ASB4: variants seen among roughly 807,000 people sequenced by gnomAD.
ASB4 encodes the protein ankyrin repeat and SOCS box protein 4.
ASB4 carries 35 observed loss-of-function variants against 38.6 expected under a neutral mutation model. The observed-to-expected ratio is 0.91, with a 90% CI of 0.69 to 1.20. The LOEUF (loss-of-function observed/expected upper bound fraction) is 1.20, where lower values mean the gene tolerates loss of function less well. ASB4 is among the 50% of genes most tolerant of loss of function. The pLI is 0.00. For synonymous variants in ASB4, 195 were observed against 201.3 expected (o/e 0.97, Z 0.26); for missense variants, 557 against 527.2 (o/e 1.06, Z -0.55).
intron 3 of ASB4, 117 bp downstream of exon 3, chr7:95,528,420 T>C (rs777369309): frequency 6.5e-7 from 1 of 1,544,356 alleles, no homozygotes; most frequent in Non-Finnish European, 8.7e-7. Context: ...CTACCTCTGA[T>C]CCTCTTTGAC....
rs73711323 is a variant in ASB4 at position 95,489,831 on chromosome 7, A to G, written c.187+3673A>G. Among the ~76,000 whole-genome samples, 584 of 152,362 alleles carry G rather than the reference A, an allele frequency of 3.8e-3. 4 individuals are homozygous for G. The highest frequency in any genetic ancestry group is 0.014 in the African/African-American group (562 of 41,590). On this transcript the variant is annotated intron_variant, in intron 1 of 4. Transcript: ENST00000325885. Reference sequence around the variant, plus strand: ...TATTTAGAGTGAAGTCAAGCACAGAAGAAATCTTTAAAGAAAACACAAATG... The same window carrying G: ...TATTTAGAGTGAAGTCAAGCACAGAGGAAATCTTTAAAGAAAACACAAATG...
At chr7:95,499,583 A>G (rs919459342) in intron 2 of ASB4, among the ~76,000 whole-genome samples, 1 of 152,182 alleles carries the variant, frequency 6.6e-6, no homozygotes, top group Non-Finnish European at 1.5e-5. Flanking sequence ...TGAATGGTAT[A>G]AAGTGCAAAT....
chr7:95,477,339 G>A (rs1000882817), upstream of ASB4, among the ~76,000 whole-genome samples: 14 of 152,154 alleles, frequency 9.2e-5, no homozygotes, highest in African/African-American at 3.4e-4. Context: ...ATTTGCCAAA[G>A]GGTCAACTCT....
Position 95,527,954 on chromosome 7 carries a change from C to G in ASB4, c.629C>G (p.Thr210Ser), listed in dbSNP as rs753535152. Reference protein sequence around the residue: ...IVDSVNAHMETPLAIAAYWAL... With the variant: ...IVDSVNAHMESPLAIAAYWAL... ...GACAGCGTGAATGCCCACATGGAGACCCCCCTGGCCATCGCCGCCTACTGG... is the reference window on the plus strand; with the variant it reads ...GACAGCGTGAATGCCCACATGGAGAGCCCCCTGGCCATCGCCGCCTACTGG... The change falls in exon 3 of 5, where the codon ACC becomes AGC. Residue 210 changes from threonine to serine, a missense_variant. Coordinates refer to ENST00000325885, the MANE Select transcript of ASB4 (RefSeq NM_016116.3). The G allele has an allele frequency of 6.2e-7, 1 of 1,614,076 alleles. No individual in the cohort carries two copies. Among genetic ancestry groups the G allele is most frequent in the African/African-American group, 1.3e-5 (1 of 75,026 alleles).
At chr7:95,481,549 A>G (rs994400375), upstream of ASB4, among the ~76,000 whole-genome samples, 7 of 152,316 alleles carry the variant, frequency 4.6e-5, no homozygotes, top group South Asian at 2.1e-4. Flanking sequence ...CTAGTTTCCA[A>G]TTCTAGCTGG....
At chr7:95,551,260 C>T in the ASB4 span, among the ~76,000 whole-genome samples, 1 of 152,178 alleles carries the variant, frequency 6.6e-6, no homozygotes, top group Non-Finnish European at 1.5e-5. Flanking sequence ...GGATTACAAG[C>T]ATGAGCCACT....
chr7:95,537,449 T>A (rs1487402389), intron 4 of ASB4, 122 bp from the exon 5 acceptor site: 1 of 750,106 alleles, frequency 1.3e-6, no homozygotes, highest in Non-Finnish European at 2.0e-6. Context: ...AATTTTTGCC[T>A]CACCAATAGA....
At chr7:95,499,224 C>T (rs969355512) in intron 2 of ASB4, among the ~76,000 whole-genome samples, 2 of 152,044 alleles carry the variant, frequency 1.3e-5, no homozygotes, top group African/African-American at 4.8e-5. Context: ...GAATTGTTGG[C>T]CTATAGATTG....
chr7:95,509,233 T>G (rs1790449226), intron 2 of ASB4, among the ~76,000 whole-genome samples: 1 of 152,110 alleles, frequency 6.6e-6, no homozygotes, highest in Admixed American at 6.5e-5. Context: ...CCTAAAGAAG[T>G]AGGGGTGTTC....
intron 2 of ASB4, among the ~76,000 whole-genome samples, chr7:95,501,480 G>T (rs1259123715): frequency 2.0e-5 from 3 of 152,124 alleles, no homozygotes; most frequent in African/African-American, 7.2e-5. Context: ...CCACCTCACC[G>T]CATTCCATCT....
chr7:95,471,957 T>C, the ASB4 span: 11 of 151,866 alleles, frequency 7.2e-5, no homozygotes, highest in African/African-American at 2.7e-4. Context: ...GTATTGAGTC[T>C]ATACGCTTAA....
intron 2 of ASB4, among the ~76,000 whole-genome samples, chr7:95,517,819 C>T (rs773419918): frequency 2.7e-4 from 41 of 151,792 alleles, no homozygotes; most frequent in Non-Finnish European, 5.2e-4. Context: ...AGAGACCACC[C>T]TTTCAAGGAG....
At chr7:95,527,687 G>T (rs1790757653) in intron 2 of ASB4, 126 bp from the exon 3 acceptor site, 1 of 958,230 alleles carries the variant, frequency 1.0e-6, no homozygotes, top group Non-Finnish European at 1.5e-6. Flanking sequence ...AGGGGTTGAG[G>T]GTTGGGGATA....
intron 2 of ASB4, among the ~76,000 whole-genome samples, chr7:95,497,397 T>C (rs1178563634): frequency 1.3e-5 from 2 of 152,084 alleles, no homozygotes; most frequent in Non-Finnish European, 2.9e-5. Context: ...AGAGATGGAT[T>C]GGATGTGGGT....
chr7:95,479,439 G>T (rs1016194400), intron 1 of ASB4, among the ~76,000 whole-genome samples: 2 of 152,158 alleles, frequency 1.3e-5, no homozygotes, highest in African/African-American at 4.8e-5. Context: ...TTAGTCCACA[G>T]AATTGATCTG....
chr7:95,524,490 A>G (rs1204457933), intron 2 of ASB4, among the ~76,000 whole-genome samples: 1 of 117,498 alleles, frequency 8.5e-6, no homozygotes, highest in Non-Finnish European at 1.7e-5. Flanking sequence ...TGATGGCTTT[A>G]CAATAATTAA....
chr7:95,536,534 C>A lies in ASB4; in HGVS notation c.1076C>A (p.Pro359His). ...AACACAAAGTGGAGAAGAGCTATCC[C>A]CGATGATGACTTGGAGGTAAATAAT... ...RWNTKWRRAI[P>H]DDDLEKYWDF... Residue 359 changes from proline to histidine, a missense_variant, in exon 4 of 5, where the codon CCC becomes CAC. By Grantham distance (77) the Pro-to-His change is moderately conservative. Transcript: ENST00000325885. The A allele has an allele frequency of 6.2e-7, 1 of 1,608,320 alleles. No homozygotes were observed.
intron 2 of ASB4, among the ~76,000 whole-genome samples, chr7:95,522,878 G>A (rs949147011): frequency 6.6e-6 from 1 of 152,022 alleles, no homozygotes; most frequent in African/African-American, 2.4e-5. Flanking sequence ...TATAATTCTA[G>A]ACTAGTTCTG....
chr7:95,505,183 A>T (rs1239769221), intron 2 of ASB4, among the ~76,000 whole-genome samples: 1 of 152,234 alleles, frequency 6.6e-6, no homozygotes, highest in Non-Finnish European at 1.5e-5. Context: ...CGTTATTTAA[A>T]ACAGGATGTT....
Sources: allele counts gnomAD v4.1 joint callset (sites outside exome capture counted in the v4.1 genomes callset), GRCh38; gene constraint gnomAD v4.1.1; transcripts MANE v1.5; gene names NCBI Gene and HGNC (gene_info 2026-07-23, HGNC 2026-07-21).